Variants in PLCL1 observed in about 807,000 individuals in gnomAD.
PLCL1 encodes the protein phospholipase C like 1 (inactive), also known as inactive phospholipase C-like protein 1.
Under a neutral mutation model 84.4 loss-of-function variants are expected in PLCL1, and 41 were observed. That is an observed-to-expected ratio of 0.49 (90% CI 0.38 to 0.63). The LOEUF is 0.63. PLCL1 is among the 30% of genes least tolerant of loss of function. The pLI, the probability that PLCL1 is intolerant of heterozygous loss-of-function variation, is 0.00. For synonymous variants in PLCL1, 490 were observed against 488.3 expected (o/e 1.00, Z -0.05); for missense variants, 1,206 against 1,367.8 (o/e 0.88, Z 1.87).
intron 1 of PLCL1, among the ~76,000 whole-genome samples, chr2:198,055,052 AAAG>A (rs1692028904): frequency 6.6e-6 from 1 of 152,058 alleles, no homozygotes; most frequent in Non-Finnish European, 1.5e-5. Flanking sequence ...TTGGGAAAGA[AAAG>A]AAGAGTCTAA....
At chr2:197,972,728 A>G (rs1248131862) in intron 1 of PLCL1, among the ~76,000 whole-genome samples, 2 of 152,242 alleles carry the variant, frequency 1.3e-5, no homozygotes, top group Non-Finnish European at 2.9e-5. Context: ...AATTTTTTTA[A>G]GTAAAACAAA....
chr2:198,121,693 G>C (rs1290202976), intron 5 of PLCL1, among the ~76,000 whole-genome samples: 1 of 152,042 alleles, frequency 6.6e-6, no homozygotes, highest in Non-Finnish European at 1.5e-5. Context: ...GCACCATCCA[G>C]TTTTGGTTAT....
intron 1 of PLCL1, among the ~76,000 whole-genome samples, chr2:197,882,438 T>C (rs1687845244): frequency 6.6e-6 from 1 of 152,234 alleles, no homozygotes; most frequent in Non-Finnish European, 1.5e-5. Context: ...TGCTTCTCTT[T>C]ATTTTATACT....
chr2:197,812,873 C>T (rs1430286742), intron 1 of PLCL1, among the ~76,000 whole-genome samples: 1 of 152,110 alleles, frequency 6.6e-6, no homozygotes, highest in Non-Finnish European at 1.5e-5. Context: ...AATGTAGAAC[C>T]CTAGAAAGCT....
chr2:197,961,600 A>C (rs1689625610), intron 1 of PLCL1, among the ~76,000 whole-genome samples: 1 of 150,398 alleles, frequency 6.6e-6, no homozygotes, highest in Admixed American at 6.7e-5. Context: ...TAGCTGCTGG[A>C]GGATTGCTTA....
intron 1 of PLCL1, among the ~76,000 whole-genome samples, chr2:198,054,007 GA>G (rs1276862751): frequency 6.6e-6 from 1 of 152,162 alleles, no homozygotes; most frequent in African/African-American, 2.4e-5. Flanking sequence ...TCAGAGGAAA[GA>G]GATCAGGGGT....
At position 198,094,296 on chromosome 2, in the gene PLCL1, C is replaced by T. The variant is rs1220670963; in HGVS notation, c.2919+5235C>T. On this transcript the variant is annotated intron_variant, in intron 3 of 5. Coordinates refer to ENST00000428675, the MANE Select transcript of PLCL1 (RefSeq NM_006226.4). The stretch of plus-strand genomic sequence containing the variant: ...CAGGATGGTCTTGATCTCCTGACCT[C>T]GTGATCTGCCCGCCTTGGCCTCCCA... Among the ~76,000 whole-genome samples the T allele has an allele frequency of 5.3e-5, 8 of 152,104 alleles. No individual in the cohort carries two copies. In the South Asian group the frequency reaches 8.3e-4, roughly 16 times the overall value.
At chr2:198,098,753 C>G (rs1473273966) in intron 3 of PLCL1, among the ~76,000 whole-genome samples, 1 of 152,112 alleles carries the variant, frequency 6.6e-6, no homozygotes, top group South Asian at 2.1e-4. Context: ...ATTGACTTTG[C>G]AATGATTCTG....
In PLCL1 at chr2:197,805,376, G is replaced by C; in HGVS notation, c.240+37G>C. ...CGCGCCGCACCGGGAGCGTGGCTGT[G>C]GGTGATGGGTGGGTCAGGGACCCGG... On this transcript the variant is annotated intron_variant, in intron 1 of 5. Transcript: ENST00000428675. This position sits in a 1 kb window ranked among gnomAD's most constrained non-coding sequence, Gnocchi z 4.0. The C allele has an allele frequency of 7.5e-7, 1 of 1,330,620 alleles. No individual in the cohort carries two copies. Among genetic ancestry groups the C allele is most frequent in the Non-Finnish European group, 9.6e-7 (1 of 1,046,092 alleles). 82.4% of individuals were successfully genotyped at this position (1,330,620 alleles called of 1,614,324 possible).
intron 1 of PLCL1, among the ~76,000 whole-genome samples, chr2:197,973,313 T>C (rs2105798956): frequency 6.6e-6 from 1 of 152,204 alleles, no homozygotes; most frequent in Admixed American, 6.5e-5. Context: ...GATTTTTGAG[T>C]GACTTTTGAA....
At chr2:197,945,073 T>G (rs1689244547) in intron 1 of PLCL1, among the ~76,000 whole-genome samples, 1 of 152,240 alleles carries the variant, frequency 6.6e-6, no homozygotes, top group South Asian at 2.1e-4. Context: ...TCAGAGTGTT[T>G]TAATATCTTA....
At chr2:197,918,627 C>T (rs1356122212) in intron 1 of PLCL1, among the ~76,000 whole-genome samples, 1 of 151,858 alleles carries the variant, frequency 6.6e-6, no homozygotes, top group Non-Finnish European at 1.5e-5. Context: ...AGATTTTTAA[C>T]AAGGGTAAAG....
intron 1 of PLCL1, among the ~76,000 whole-genome samples, chr2:198,063,670 A>G (rs541741655): frequency 1.2e-4 from 19 of 152,224 alleles, no homozygotes; most frequent in Non-Finnish European, 2.9e-5. Flanking sequence ...CTTTTTACAC[A>G]CATGACTAAT....
At chr2:198,143,104 T>A (rs761049128) in intron 5 of PLCL1, among the ~76,000 whole-genome samples, 5 of 152,156 alleles carry the variant, frequency 3.3e-5, no homozygotes, top group Non-Finnish European at 7.4e-5. Context: ...CTTGTTAGGT[T>A]ACTCTTTAAA....
At chr2:198,052,165 G>A (rs1691949856) in intron 1 of PLCL1, among the ~76,000 whole-genome samples, 2 of 152,182 alleles carry the variant, frequency 1.3e-5, no homozygotes, top group African/African-American at 4.8e-5. Context: ...ACCCGCCTTG[G>A]CCTCCCAAAG....
chr2:197,995,910 G>T (rs1232665866), intron 1 of PLCL1, among the ~76,000 whole-genome samples: 2 of 152,208 alleles, frequency 1.3e-5, no homozygotes, highest in African/African-American at 4.8e-5. Flanking sequence ...TATGAGAGTT[G>T]AAAGGTTAAA....
At chr2:197,892,131 C>T (rs1014446135) in intron 1 of PLCL1, among the ~76,000 whole-genome samples, 1 of 152,182 alleles carries the variant, frequency 6.6e-6, no homozygotes, top group Admixed American at 6.5e-5. Flanking sequence ...TATGTGAAAG[C>T]TTCAATGCAG....
chr2:198,106,100 G>A lies in PLCL1; in HGVS notation c.3105+2164G>A, dbSNP rs569738571. Reference sequence around the variant, plus strand: ...TTAATACTCACACCAACTCAGTATCGTTATTAATCTCATTTTACAGGTGAG... The same window carrying A: ...TTAATACTCACACCAACTCAGTATCATTATTAATCTCATTTTACAGGTGAG... On this transcript the variant is annotated intron_variant, in intron 5 of 5. Transcript: ENST00000428675. Among the ~76,000 whole-genome samples the A allele has an allele frequency of 2.6e-5, 4 of 151,960 alleles. No homozygotes were observed. In the South Asian group the frequency reaches 6.2e-4, roughly 24 times the overall value.
At chr2:197,873,145 CA>C (rs752330800) in intron 1 of PLCL1, among the ~76,000 whole-genome samples, 1 of 152,064 alleles carries the variant, frequency 6.6e-6, no homozygotes, top group African/African-American at 2.4e-5. Flanking sequence ...TATAATTATT[CA>C]ACATGTTTAT....
Sources: allele counts gnomAD v4.1 joint callset (sites outside exome capture counted in the v4.1 genomes callset), GRCh38; gene constraint gnomAD v4.1.1; non-coding constraint Gnocchi (gnomAD v3.1); transcripts MANE v1.5; gene names NCBI Gene and HGNC (gene_info 2026-07-23, HGNC 2026-07-21).